Variants in TESK2 observed in about 807,000 individuals in gnomAD.
TESK2 encodes dual specificity testis-specific protein kinase 2.
TESK2 carries 39 observed loss-of-function variants against 57.1 expected under a neutral mutation model. The observed-to-expected ratio is 0.68, with a 90% CI of 0.53 to 0.89. The LOEUF is 0.89. TESK2 is among the 40% of genes least tolerant of loss of function. The pLI is 0.00. For missense variants in TESK2, 646 were observed against 732.1 expected, an observed-to-expected ratio of 0.88 and a Z score of 1.36; for synonymous variants, 249 against 267.9, an observed-to-expected ratio of 0.93 and a Z score of 0.69.
chr1:45,398,500 T>G (rs897558893), intron 3 of TESK2, among the ~76,000 whole-genome samples: 3 of 152,030 alleles, frequency 2.0e-5, no homozygotes, highest in African/African-American at 4.8e-5. Context: ...TGAGCCGAGA[T>G]TGAGCCACTG....
intron 2 of TESK2, among the ~76,000 whole-genome samples, chr1:45,436,478 CTTTTTTTTTTTTTT>C (rs35561877): frequency 3.0e-5 from 1 of 33,660 alleles, no homozygotes; most frequent in Admixed American, 5.4e-4. Flanking sequence ...CGTGCCTGGC[CTTTTTTTTTTTTTT>C]TTTTTTTTTT....
intron 3 of TESK2, among the ~76,000 whole-genome samples, chr1:45,404,277 T>G (rs1453945263): frequency 1.3e-5 from 2 of 152,206 alleles, no homozygotes; most frequent in Non-Finnish European, 2.9e-5. Context: ...TTGCAAGGTT[T>G]GTGCTCTCCA....
chr1:45,419,290 A>C (rs1650368879), intron 3 of TESK2, among the ~76,000 whole-genome samples: 1 of 152,114 alleles, frequency 6.6e-6, no homozygotes, highest in South Asian at 2.1e-4. Context: ...CTGACTCTTC[A>C]AAGTTAATAT....
chr1:45,485,190 G>GT (rs780419936), intron 1 of TESK2, among the ~76,000 whole-genome samples: 6,035 of 141,216 alleles, frequency 0.043, 199 homozygotes, highest in South Asian at 0.068. Context: ...TTTGTTTTTT[G>GT]TTTTTTGTTT....
chr1:45,364,288 T>C (rs1647815346), intron 4 of TESK2, among the ~76,000 whole-genome samples: 1 of 152,196 alleles, frequency 6.6e-6, no homozygotes, highest in South Asian at 2.1e-4. Flanking sequence ...GGGCAGGCCC[T>C]TAATCCAATA....
At chr1:45,482,525 A>T (rs1252179596) in intron 1 of TESK2, among the ~76,000 whole-genome samples, 3 of 151,952 alleles carry the variant, frequency 2.0e-5, no homozygotes, top group African/African-American at 7.3e-5. Context: ...CTGTCTCAAA[A>T]AAATAAATAA....
chr1:45,426,710 T>C (rs144395877), intron 2 of TESK2, among the ~76,000 whole-genome samples: 10,670 of 152,222 alleles, frequency 0.07, 519 homozygotes, highest in Middle Eastern at 0.13. Context: ...AAAGGATTAA[T>C]AACCAGAATA....
intron 4 of TESK2, among the ~76,000 whole-genome samples, chr1:45,361,757 C>T (rs2149267276): frequency 6.6e-6 from 1 of 152,304 alleles, no homozygotes; most frequent in South Asian, 2.1e-4. Flanking sequence ...ACACTCAGTT[C>T]TCCACTCAGG....
intron 2 of TESK2, among the ~76,000 whole-genome samples, chr1:45,425,620 A>G (rs1650658116): frequency 6.6e-6 from 1 of 152,052 alleles, no homozygotes; most frequent in Non-Finnish European, 1.5e-5. Flanking sequence ...GTGCCACTAT[A>G]CTCCAGCCTG....
At chr1:45,480,684 A>T (rs1653181365) in intron 1 of TESK2, among the ~76,000 whole-genome samples, 1 of 151,102 alleles carries the variant, frequency 6.6e-6, no homozygotes, top group African/African-American at 2.4e-5. Context: ...ATAATAATAA[A>T]TGAATAAATA....
In TESK2 at chr1:45,420,434, G is replaced by T. The variant is rs149248932; in HGVS notation, c.344+1291C>A. 3.2e-3 allele frequency among the ~76,000 whole-genome samples: 487 copies of T among 151,518 alleles called. 7 individuals carry two copies. The highest frequency in any genetic ancestry group is 0.011 in the African/African-American group (461 of 41,290). ...TTTTTTGTTGTTTGTTGTTGTTGTT[G>T]TTTGTAGAGATGGGGTTTCACCATG... On this transcript the variant is annotated intron_variant, in intron 3 of 10. Transcript: ENST00000372086.
intron 1 of TESK2, among the ~76,000 whole-genome samples, chr1:45,482,235 C>A (rs375135947): frequency 6.6e-6 from 1 of 152,098 alleles, no homozygotes; most frequent in Non-Finnish European, 1.5e-5. Context: ...TGACATTATA[C>A]GAAAAAGTTG....
intron 3 of TESK2, among the ~76,000 whole-genome samples, chr1:45,417,883 A>C (rs1382064600): frequency 2.0e-5 from 3 of 152,058 alleles, no homozygotes; most frequent in Non-Finnish European, 4.4e-5. Flanking sequence ...GAGCCACCGT[A>C]CCCAGCATAC....
intron 4 of TESK2, among the ~76,000 whole-genome samples, chr1:45,381,678 A>T (rs56174961): frequency 0.032 from 4,918 of 152,138 alleles, 132 homozygotes; most frequent in Non-Finnish European, 0.043. Flanking sequence ...ATGTATGAGA[A>T]ATAAACGTTT....
intron 2 of TESK2, among the ~76,000 whole-genome samples, chr1:45,430,357 G>A (rs1650900009): frequency 6.6e-6 from 1 of 152,092 alleles, no homozygotes; most frequent in South Asian, 2.1e-4. Flanking sequence ...TGGTTGTGGT[G>A]GTGTGCACCT....
At chr1:45,377,583 T>C (rs936612881) in intron 4 of TESK2, among the ~76,000 whole-genome samples, 1 of 151,260 alleles carries the variant, frequency 6.6e-6, no homozygotes, top group African/African-American at 2.4e-5. Context: ...CATGCCCAGC[T>C]AATTTTTGTA....
Position 45,347,618 on chromosome 1 carries a change from A to G in TESK2, c.699T>C (p.Tyr233=). 6.2e-7 allele frequency: 1 copy of G among 1,613,928 alleles called. No homozygotes were observed. Among genetic ancestry groups the G allele is most frequent in the South Asian group, 1.1e-5 (1 of 91,050 alleles). Reference sequence around the variant, plus strand: ...GATCCTCCAAACTTACCTTTTCATTATAGGGCTCATCTCGGAGAACCTCAG... The same window carrying G: ...GATCCTCCAAACTTACCTTTTCATTGTAGGGCTCATCTCGGAGAACCTCAG... The part of the protein sequence containing the change: ...MAPEVLRDEP[Y]NEKADVFSYG... Residue 233 remains tyrosine (Y), a synonymous_variant, in exon 7 of 11, where the codon TAT becomes TAC. Coordinates refer to ENST00000372086, the MANE Select transcript of TESK2 (RefSeq NM_007170.3).
rs1461548919 is a variant in TESK2, at chr1:45,386,030, GT to G, written c.345-71del. ...ATATAAATTCATATAGAGAAATCAG[GT>G]TAGTTACCCATGCATTAGAAACAAC... is the stretch of plus-strand genomic sequence containing the variant. On this transcript the variant is annotated intron_variant, in intron 3 of 10. Coordinates refer to ENST00000372086, the MANE Select transcript of TESK2 (RefSeq NM_007170.3). 6.3e-6 allele frequency: 8 copies of G among 1,267,428 alleles called. No individual in the cohort carries two copies. In the African/African-American group the frequency reaches 1.2e-4, roughly 19 times the overall value. The allele number at this position is 1,267,428 out of a possible 1,614,324, so 78.5% of individuals were successfully genotyped here.
chr1:45,416,487 A>T (rs79273400), intron 3 of TESK2, among the ~76,000 whole-genome samples: 2,311 of 152,126 alleles, frequency 0.015, 25 homozygotes, highest in Non-Finnish European at 0.022. Context: ...AATAGATCAA[A>T]CATAAATGTA....
Sources: gnomAD v4.1 joint callset for allele counts (sites outside exome capture counted in the v4.1 genomes callset) on GRCh38, gnomAD v4.1.1 for gene constraint, MANE v1.5 for transcripts, NCBI Gene and HGNC (gene_info 2026-07-23, HGNC 2026-07-21) for gene names.